PVT1: variants seen among roughly 807,000 people sequenced by gnomAD.
The protein encoded by PVT1 is Pvt1 oncogene, also known as CXCR4/PVT1 fusion.
At position 127,846,693 on chromosome 8, in the gene PVT1, C is replaced by CT. The variant is rs199510292; in HGVS notation, n.373-43887dup. ...GGAAAGGGGCCCCAAATGGTACTCT[C>CT]TTTTTTTTTGAGATGTTGCCCAGGC... is the stretch of plus-strand genomic sequence containing the variant. On this transcript the variant is annotated intron_variant and non_coding_transcript_variant, in intron 2 of 10. Coordinates refer to ENST00000651587, the Ensembl canonical transcript of PVT1. Among the ~76,000 whole-genome samples the CT allele has an allele frequency of 2.2e-3, 328 of 151,376 alleles. 3 individuals carry two copies. Among genetic ancestry groups the CT allele is most frequent in the Middle Eastern group, 0.014 (4 of 294 alleles).
chr8:127,881,733 A>G (rs1422418818), intron 2 of PVT1, among the ~76,000 whole-genome samples: 2 of 152,066 alleles, frequency 1.3e-5, no homozygotes, highest in African/African-American at 4.8e-5. Flanking sequence ...CTGGGATCAC[A>G]GGTGTGAGCC....
intron 3 of PVT1, among the ~76,000 whole-genome samples, chr8:127,895,877 T>A (rs1815668189): frequency 6.6e-6 from 1 of 152,230 alleles, no homozygotes; most frequent in African/African-American, 2.4e-5. Flanking sequence ...ATCTGGAAAG[T>A]AGCCATAGAT....
intron 3 of PVT1, among the ~76,000 whole-genome samples, chr8:127,928,908 G>A (rs1816165686): frequency 6.6e-6 from 1 of 152,220 alleles, no homozygotes; most frequent in South Asian, 2.1e-4. Context: ...CAAGTGATGC[G>A]ACTTCCAACC....
At chr8:127,872,168 A>G (rs1032694302) in intron 2 of PVT1, among the ~76,000 whole-genome samples, 6 of 152,146 alleles carry the variant, frequency 3.9e-5, no homozygotes, top group African/African-American at 1.4e-4. Context: ...TAATCCCAGC[A>G]CTTGGAGAGG....
intron 3 of PVT1, among the ~76,000 whole-genome samples, chr8:127,987,793 C>T (rs1466158576): frequency 2.6e-5 from 4 of 152,222 alleles, no homozygotes; most frequent in East Asian, 1.9e-4. Context: ...GAAGCAAATT[C>T]ATTTTGACAA....
intron 3 of PVT1, among the ~76,000 whole-genome samples, chr8:127,913,447 A>G (rs956867585): frequency 6.6e-6 from 1 of 152,174 alleles, no homozygotes; most frequent in Non-Finnish European, 1.5e-5. Flanking sequence ...GCTGGGCCAC[A>G]CATGACTGTG....
intron 4 of PVT1, among the ~76,000 whole-genome samples, chr8:128,025,854 G>A (rs182738220): frequency 6.6e-6 from 1 of 152,244 alleles, no homozygotes; most frequent in East Asian, 1.9e-4. Context: ...GGCAACTGAG[G>A]CCAAGAGAGC....
At chr8:127,924,508 A>ATTTT (rs140569442) in intron 3 of PVT1, among the ~76,000 whole-genome samples, 2 of 92,210 alleles carry the variant, frequency 2.2e-5, no homozygotes, top group African/African-American at 4.6e-5. Flanking sequence ...TAACTTTTGT[A>ATTTT]TTTTTTTTTT....
At position 128,045,560 on chromosome 8, in the gene PVT1, T is replaced by G. The variant is rs1813601182; in HGVS notation, n.913-24600T>G. On this transcript the variant is annotated intron_variant and non_coding_transcript_variant, in intron 4 of 10. Transcript: ENST00000651587. ...CAGCTGTCTGCACGCAACCCAATGC[T>G]TTTTCCACAAGAGTTACCCACATGG... Among the ~76,000 whole-genome samples the G allele has an allele frequency of 3.9e-5, 6 of 152,330 alleles. No individual in the cohort carries two copies. In the South Asian group the frequency reaches 1.2e-3, roughly 32 times the overall value.
At chr8:127,820,009 A>G (rs1173006407) in intron 2 of PVT1, among the ~76,000 whole-genome samples, 1 of 152,192 alleles carries the variant, frequency 6.6e-6, no homozygotes, top group African/African-American at 2.4e-5. Context: ...GAGGTCAAGC[A>G]TTTGGAGTTT....
intron 4 of PVT1, among the ~76,000 whole-genome samples, chr8:128,011,027 C>T (rs1445173217): frequency 6.6e-6 from 1 of 152,066 alleles, no homozygotes; most frequent in Non-Finnish European, 1.5e-5. Flanking sequence ...TTTCTCTTGC[C>T]TTGACTTCTT....
intron 4 of PVT1, among the ~76,000 whole-genome samples, chr8:128,008,059 C>T (rs141404020): frequency 1.3e-5 from 2 of 152,148 alleles, no homozygotes; most frequent in Non-Finnish European, 2.9e-5. Context: ...TTGGTCTCCC[C>T]AGAGAAATGA....
At chr8:127,972,778 G>A (rs1816779013) in intron 3 of PVT1, among the ~76,000 whole-genome samples, 1 of 152,238 alleles carries the variant, frequency 6.6e-6, no homozygotes, top group South Asian at 2.1e-4. Flanking sequence ...AGCTTTGCCA[G>A]GGTTCCGCTC....
intron 4 of PVT1, among the ~76,000 whole-genome samples, chr8:128,016,034 T>C (rs1348373885): frequency 6.6e-6 from 1 of 152,094 alleles, no homozygotes; most frequent in Non-Finnish European, 1.5e-5. Context: ...GGGATGGTCT[T>C]TGGGAAGCCA....
chr8:128,072,245 C>T (rs115262046), intron 5 of PVT1, among the ~76,000 whole-genome samples: 1 of 151,974 alleles, frequency 6.6e-6, no homozygotes, highest in Non-Finnish European at 1.5e-5. Context: ...GTGACAAAGA[C>T]CACAAAGACA....
In PVT1 at chr8:127,857,342, A is replaced by G. The variant is rs539227373; in HGVS notation, n.373-33247A>G. On this transcript the variant is annotated intron_variant and non_coding_transcript_variant, in intron 2 of 10. Coordinates refer to ENST00000651587, the Ensembl canonical transcript of PVT1. ...TTTGGGCTCTTGATGACTTGGTTAT[A>G]AGAAGAGGCAGCTCGGTTCCCCCAG... 7.2e-5 allele frequency among the ~76,000 whole-genome samples: 11 copies of G among 152,172 alleles called. No homozygotes were observed. The South Asian group carries it at 1.9e-3, about 26-fold the overall frequency.
intron 3 of PVT1, among the ~76,000 whole-genome samples, chr8:127,929,716 C>G (rs1008787555): frequency 6.6e-6 from 1 of 151,558 alleles, no homozygotes; most frequent in Admixed American, 6.6e-5. Context: ...TGCAGTGAGC[C>G]GAGATCGCAC....
chr8:128,023,251 C>G (rs1817458413), intron 4 of PVT1, among the ~76,000 whole-genome samples: 1 of 152,146 alleles, frequency 6.6e-6, no homozygotes, highest in South Asian at 2.1e-4. Flanking sequence ...GGGCTAGTCA[C>G]TGGTTCCGGG....
intron 5 of PVT1, among the ~76,000 whole-genome samples, chr8:128,070,627 A>G (rs1813973761): frequency 6.6e-6 from 1 of 152,198 alleles, no homozygotes; most frequent in South Asian, 2.1e-4. Context: ...AGGAAGAAGC[A>G]TCAGGCAGGA....
Sources: allele counts gnomAD v4.1 joint callset (sites outside exome capture counted in the v4.1 genomes callset), GRCh38; gene constraint gnomAD v4.1.1; transcripts MANE v1.5; gene names NCBI Gene and HGNC (gene_info 2026-07-23, HGNC 2026-07-21).